NFATC2: variants seen among roughly 807,000 people sequenced by gnomAD.
NFATC2 encodes nuclear factor of activated T cells 2, also known as nuclear factor of activated T-cells, cytoplasmic 2.
A neutral mutation model predicts 87.3 loss-of-function variants in NFATC2; 22 were observed. The ratio of observed to expected loss-of-function variants is 0.25; its 90% CI spans 0.18 to 0.36. The LOEUF (loss-of-function observed/expected upper bound fraction) is 0.36. Ranked by LOEUF, NFATC2 falls within the 10% of genes least tolerant of loss-of-function variation. The probability of loss-of-function intolerance (pLI) is 1.00; values close to 1 mark genes in which losing one functional copy is unlikely to be tolerated. For synonymous variants in NFATC2, 565 were observed against 542.2 expected (o/e 1.04, Z -0.58); for missense variants, 1,149 against 1,259.1 (o/e 0.91, Z 1.32).
At chr20:51,470,469 G>A (rs745878244) in intron 5 of NFATC2, among the ~76,000 whole-genome samples, 1 of 152,178 alleles carries the variant, frequency 6.6e-6, no homozygotes, top group Non-Finnish European at 1.5e-5. Flanking sequence ...ACCTTCCAAA[G>A]AGCTGCCTCT....
At chr20:51,481,427 G>A (rs1488735766) in intron 3 of NFATC2, among the ~76,000 whole-genome samples, 1 of 152,098 alleles carries the variant, frequency 6.6e-6, no homozygotes. Context: ...GACACATTCT[G>A]CAATACAGGA....
chr20:51,439,118 C>G (rs981209028), intron 6 of NFATC2, among the ~76,000 whole-genome samples: 2 of 152,174 alleles, frequency 1.3e-5, no homozygotes, highest in Non-Finnish European at 2.9e-5. Flanking sequence ...CTCAAGATAC[C>G]GTGGAAGCTT....
rs1394639352 is a variant in NFATC2 at position 51,523,136 on chromosome 20, G to A, written c.1105C>T (p.Leu369=). ...ERRNSAPESI[L]LVPPTWPKPL... is the part of the protein sequence containing the mutation. Reference sequence around the variant, plus strand: ...TTGGGCCAAGTGGGCGGAACCAGCAGGATGGATTCTGGAGCCGAGTTTCTC... The same window carrying A: ...TTGGGCCAAGTGGGCGGAACCAGCAAGATGGATTCTGGAGCCGAGTTTCTC... Residue 369 remains leucine, a synonymous_variant, in exon 2 of 11, where the codon CTG becomes TTG. Coordinates refer to ENST00000371564, the MANE Select transcript of NFATC2 (RefSeq NM_012340.5). The surrounding 1 kb of genome is among the most constrained non-coding windows in gnomAD (Gnocchi z 6.9). 3 of 1,614,130 alleles carry A rather than the reference G, an allele frequency of 1.9e-6. No individual in the cohort carries two copies. Among genetic ancestry groups the A allele is most frequent in the Non-Finnish European group, 2.5e-6 (3 of 1,180,052 alleles).
intron 10 of NFATC2, among the ~76,000 whole-genome samples, chr20:51,393,627 C>T (rs1986633027): frequency 6.6e-6 from 1 of 152,084 alleles, no homozygotes; most frequent in South Asian, 2.1e-4. Context: ...CTCAGTGCTC[C>T]CTGCAGGGGT....
intron 10 of NFATC2, among the ~76,000 whole-genome samples, chr20:51,392,213 C>G (rs1986440264): frequency 6.6e-6 from 1 of 152,206 alleles, no homozygotes; most frequent in African/African-American, 2.4e-5. Flanking sequence ...ACAAAGAGAG[C>G]AAGTGAGGGC....
Position 51,435,709 on chromosome 20 carries a change from C to G in NFATC2, c.1902G>C (p.Gln634His). Residue 634 changes from glutamine to histidine, a missense_variant, in exon 7 of 11, where the codon CAG (glutamine) becomes CAC (histidine). Physicochemically the swap from Gln to His is conservative, Grantham distance 24. Around this residue, in one of 3 missense-constraint regions of NFATC2, gnomAD observed 581 missense variants for 649.7 expected, o/e 0.89. Coordinates refer to ENST00000371564, the MANE Select transcript of NFATC2 (RefSeq NM_012340.5). ...MEATVDKDKSQPNMLFVEIPE... is the reference protein window; with the variant it reads ...MEATVDKDKSHPNMLFVEIPE... ...CTCAGGTGCGTCACGTGCTTACGGG[C>G]TGGCTCTTGTCCTTATCCACCGTGG... 1 of 1,609,678 alleles carries G rather than the reference C, an allele frequency of 6.2e-7. No individual in the cohort carries two copies. The highest frequency in any genetic ancestry group is 8.5e-7 in the Non-Finnish European group (1 of 1,177,950).
At chr20:51,531,941 A>G (rs537652536) in intron 1 of NFATC2, among the ~76,000 whole-genome samples, 1 of 152,282 alleles carries the variant, frequency 6.6e-6, no homozygotes, top group East Asian at 1.9e-4. Context: ...TTTTTACCTC[A>G]GATCCTGCTG....
intron 6 of NFATC2, among the ~76,000 whole-genome samples, chr20:51,440,865 T>C (rs1984233689): frequency 6.6e-6 from 1 of 152,204 alleles, no homozygotes; most frequent in African/African-American, 2.4e-5. Flanking sequence ...GGGGTCATTT[T>C]CCCAGGCTCC....
intron 3 of NFATC2, among the ~76,000 whole-genome samples, chr20:51,492,989 G>C (rs778569668): frequency 1.3e-5 from 2 of 152,226 alleles, no homozygotes; most frequent in Non-Finnish European, 2.9e-5. Flanking sequence ...GGATGCGATC[G>C]TGTGCCTCCC....
chr20:51,533,022 C>T (rs1184922168), intron 1 of NFATC2, among the ~76,000 whole-genome samples: 2 of 152,196 alleles, frequency 1.3e-5, no homozygotes, highest in Non-Finnish European at 2.9e-5. Context: ...GCCGAGGTGG[C>T]GTGAGTCCCA....
chr20:51,434,051 AG>A (rs777189980), intron 8 of NFATC2, among the ~76,000 whole-genome samples: 2 of 152,122 alleles, frequency 1.3e-5, no homozygotes, highest in African/African-American at 4.8e-5. Flanking sequence ...TGCAGTCTAG[AG>A]CCCCCCCAGC....
At chr20:51,553,600 G>A (rs1857140667) in intron 1 of NFATC2, among the ~76,000 whole-genome samples, 1 of 151,008 alleles carries the variant, frequency 6.6e-6, no homozygotes, top group Non-Finnish European at 1.5e-5. Flanking sequence ...GCATGAACCT[G>A]GAAGGCAGGA....
In NFATC2 at chr20:51,399,076, GCAGT is replaced by G. The variant is rs1987685022; in HGVS notation, c.2723-350_2723-347del. 7 of 209,294 alleles carry G rather than the reference GCAGT, an allele frequency of 3.3e-5. No homozygotes were observed. In the South Asian group the frequency reaches 8.2e-4, roughly 25 times the overall value. 13.0% of individuals were successfully genotyped at this position (209,294 alleles called of 1,614,324 possible). A position where few individuals can be genotyped will look rare whatever the true frequency, so the allele number is the denominator to read the frequency against. On this transcript the variant is annotated intron_variant, in intron 9 of 10. Coordinates refer to ENST00000371564, the MANE Select transcript of NFATC2 (RefSeq NM_012340.5). ...AGAGAAAATTAAGCTGGTTTCTGCT[GCAGT>G]CAAAGGAAAATCAGAATTTCATTAA...
At chr20:51,483,460 C>T (rs188046652) in intron 3 of NFATC2, among the ~76,000 whole-genome samples, 166 of 152,000 alleles carry the variant, frequency 1.1e-3, no homozygotes, top group Admixed American at 0.01. Flanking sequence ...GGGAGGGTAC[C>T]GGGGAAGAGG....
Position 51,562,503 on chromosome 20 carries a change from A to G in NFATC2, c.70+57T>C. On this transcript the variant is annotated intron_variant, in intron 1 of 10. Coordinates refer to the NFATC2 transcript ENST00000414705. This position sits in a 1 kb window ranked among gnomAD's most constrained non-coding sequence, Gnocchi z 5.8. ...AAGTGCTGCCCGGGACGGGAGCAGC[A>G]GGAAAGGGCCGGGAGGAGCGAGCGG... 6.9e-7 allele frequency: 1 copy of G among 1,449,742 alleles called. No individual in the cohort carries two copies. The highest frequency in any genetic ancestry group is 1.2e-5 in the South Asian group (1 of 80,106). The allele number at this position is 1,449,742 out of a possible 1,614,324, so 89.8% of individuals were successfully genotyped here.
At chr20:51,560,581 G>A (rs767759184) in intron 1 of NFATC2, among the ~76,000 whole-genome samples, 2 of 152,148 alleles carry the variant, frequency 1.3e-5, no homozygotes, top group South Asian at 2.1e-4. Flanking sequence ...AGAGACCACC[G>A]TGCAGGGCAT....
At position 51,432,313 on chromosome 20, in the gene NFATC2, G is replaced by T. The variant is rs773262587; in HGVS notation, c.2476C>A (p.Gln826Lys). ...TNQQLRCGSH[Q>K]EFQHIMYCEN... ...CAGTACATGATGTGCTGGAACTCCT[G>T]GTGGCTTCCGCAGCGCAGCTGCTGG... Residue 826 changes from glutamine (Q) to lysine (K), a missense_variant, in exon 9 of 11, where the codon CAG (glutamine) becomes AAG (lysine). Coordinates refer to ENST00000371564, the MANE Select transcript of NFATC2 (RefSeq NM_012340.5). The surrounding 1 kb of genome is among the most constrained non-coding windows in gnomAD (Gnocchi z 4.6). The T allele has an allele frequency of 3.1e-6, 5 of 1,614,240 alleles. No homozygotes were observed. The South Asian group carries it at 5.5e-5, about 18-fold the overall frequency.
chr20:51,454,047 C>G (rs1986119547), intron 6 of NFATC2, among the ~76,000 whole-genome samples: 2 of 152,132 alleles, frequency 1.3e-5, no homozygotes, highest in African/African-American at 4.8e-5. Context: ...GTACTTGGCA[C>G]TATTATAATT....
At chr20:51,555,010 G>A (rs2076965628) in intron 1 of NFATC2, among the ~76,000 whole-genome samples, 1 of 152,164 alleles carries the variant, frequency 6.6e-6, no homozygotes, top group South Asian at 2.1e-4. Context: ...GGGCTCGAGG[G>A]AACACAGTTT....
Sources: gnomAD v4.1 joint callset for allele counts (sites outside exome capture counted in the v4.1 genomes callset) on GRCh38, gnomAD v4.1.1 for gene constraint, gnomAD v4.1.1 regional missense constraint, Gnocchi (gnomAD v3.1) non-coding constraint, MANE v1.5 for transcripts, NCBI Gene and HGNC (gene_info 2026-07-23, HGNC 2026-07-21) for gene names.